ANKUB1: variants seen among roughly 807,000 people sequenced by gnomAD.
The protein encoded by ANKUB1 is ankyrin repeat and ubiquitin domain containing 1, also known as protein ANKUB1.
A neutral mutation model predicts 49.3 loss-of-function variants in ANKUB1; 42 were observed. That is an observed-to-expected ratio of 0.85 (90% CI 0.67 to 1.10). The LOEUF is 1.10. Ranked by LOEUF, ANKUB1 falls within the 50% of genes least tolerant of loss-of-function variation. ANKUB1 has a pLI of 0.00. For missense variants in ANKUB1, 613 were observed against 642.0 expected (o/e 0.95, Z 0.49); for synonymous variants, 222 against 231.0 (o/e 0.96, Z 0.35).
intron 5 of ANKUB1, chr3:149,766,919 T>C: frequency 8.8e-7 from 1 of 1,138,128 alleles, no homozygotes; most frequent in Non-Finnish European, 1.3e-6. Context: ...TTCTACTGTG[T>C]TTCTTTCCCT....
At chr3:149,781,479 G>A (rs1717867915) in intron 2 of ANKUB1, among the ~76,000 whole-genome samples, 1 of 152,312 alleles carries the variant, frequency 6.6e-6, no homozygotes, top group East Asian at 1.9e-4. Flanking sequence ...AGATGTCAGT[G>A]CATGGCACCA....
chr3:149,770,443 A>G, intron 4 of ANKUB1, 117 bp downstream of exon 4: 1 of 705,264 alleles, frequency 1.4e-6, no homozygotes, highest in Non-Finnish European at 2.4e-6. Flanking sequence ...ACTAAGTGGA[A>G]CTGGCATAGA....
chr3:149,765,603 A>G (rs1462985494), intron 5 of ANKUB1, among the ~76,000 whole-genome samples: 2 of 152,140 alleles, frequency 1.3e-5, no homozygotes, highest in South Asian at 4.1e-4. Flanking sequence ...GCACATTTCC[A>G]TTCTGCTGGG....
chr3:149,777,789 T>G (rs1476806936), intron 3 of ANKUB1, among the ~76,000 whole-genome samples: 2 of 152,230 alleles, frequency 1.3e-5, no homozygotes, highest in Non-Finnish European at 2.9e-5. Flanking sequence ...ATTGAGCTGA[T>G]TTACTGGATT....
chr3:149,791,818 G>A (rs1403941188), intron 1 of ANKUB1, among the ~76,000 whole-genome samples: 5 of 152,178 alleles, frequency 3.3e-5, no homozygotes, highest in Admixed American at 2.6e-4. Context: ...TTTTCTGAAT[G>A]CAAAATGAAG....
At position 149,767,384 on chromosome 3, in the gene ANKUB1, A is replaced by G. The variant is rs1409866303; in HGVS notation, c.1278T>C (p.Asn426=). The change falls in exon 5 of 6, where the codon AAT becomes AAC. Residue 426 remains asparagine, a synonymous_variant. Coordinates refer to ENST00000446160, the MANE Select transcript of ANKUB1 (RefSeq NM_001144960.3). ...TAGCTGTGGCAGTAATTTTTTTCTG[A>G]TTTTGTTGTTGATGTTTTTGTAATT... ...FSELQKHQQQ[N]QKKITATARK... 1 of 1,550,494 alleles carries G rather than the reference A, an allele frequency of 6.4e-7. No individual in the cohort carries two copies. The highest frequency in any genetic ancestry group is 2.4e-5 in the East Asian group (1 of 40,906).
chr3:149,769,391 G>A (rs1323009678), intron 4 of ANKUB1, among the ~76,000 whole-genome samples: 1 of 152,218 alleles, frequency 6.6e-6, no homozygotes, highest in South Asian at 2.1e-4. Flanking sequence ...AAAATTACAT[G>A]TGAGCTTAGG....
chr3:149,764,195 C>T (rs533242198), intron 5 of ANKUB1, among the ~76,000 whole-genome samples: 1 of 152,274 alleles, frequency 6.6e-6, no homozygotes, highest in South Asian at 2.1e-4. Context: ...GAGGGGTGCT[C>T]AGACCACCTG....
In ANKUB1 at chr3:149,780,263, G is replaced by C; in HGVS notation, c.427C>G (p.Leu143Val). 6.4e-7 allele frequency: 1 copy of C among 1,551,684 alleles called. No homozygotes were observed. Residue 143 changes from leucine (L) to valine (V), a missense_variant, in exon 3 of 6, where the codon CTC becomes GTC. Coordinates refer to ENST00000446160, the MANE Select transcript of ANKUB1 (RefSeq NM_001144960.3). ...RGLEMYDCNT[L>V]KDYQTDIGTT... ...CCAATATCAGTCTGGTAGTCCTTGA[G>C]GGTGTTGCAATCATACATCTCCAGG...
chr3:149,783,220 A>G (rs1407389098), intron 2 of ANKUB1: 5 of 152,232 alleles, frequency 3.3e-5, no homozygotes, highest in Middle Eastern at 6.8e-3. Context: ...TTGCTAATCC[A>G]CCTTATCCAC....
chr3:149,767,261 T>G lies in ANKUB1; in HGVS notation c.1401A>C (p.Ala467=). The G allele has an allele frequency of 6.4e-7, 1 of 1,551,668 alleles. No homozygotes were observed. The change falls in exon 5 of 6, where the codon GCA becomes GCC. Residue 467 remains alanine, a synonymous_variant. Transcript: ENST00000446160. The stretch of plus-strand genomic sequence containing the variant: ...TCAGTAAAAAGTCAGCACTGGGTGT[T>G]GCATAGAAAAACGATGGATGTGAAT... ...VGYSHPSFFY[A]TPSADFLLKS... is the part of the protein sequence containing the mutation.
At chr3:149,774,553 T>C (rs1010749491) in intron 3 of ANKUB1, among the ~76,000 whole-genome samples, 26 of 152,208 alleles carry the variant, frequency 1.7e-4, no homozygotes, top group African/African-American at 5.1e-4. Context: ...TCCTGCCTAC[T>C]GCTGAATGAG....
chr3:149,778,954 G>C (rs998802623), intron 3 of ANKUB1: 1 of 152,140 alleles, frequency 6.6e-6, no homozygotes, highest in African/African-American at 2.4e-5. Context: ...TGTGCTGATT[G>C]TCAGCAAGGA....
chr3:149,782,824 G>A (rs1015787142), intron 2 of ANKUB1, among the ~76,000 whole-genome samples: 1 of 152,194 alleles, frequency 6.6e-6, no homozygotes, highest in African/African-American at 2.4e-5. Context: ...ACAGGAGTGA[G>A]CTTCTGTGCC....
At chr3:149,768,239 T>C (rs1717159621) in intron 4 of ANKUB1, 144 bp from the exon 5 acceptor site, 1 of 617,418 alleles carries the variant, frequency 1.6e-6, no homozygotes, top group Admixed American at 3.7e-5. Context: ...AGAAAAGGCA[T>C]ATAGTGACAT....
At chr3:149,789,250 G>A (rs966729866) in intron 2 of ANKUB1, among the ~76,000 whole-genome samples, 15 of 152,096 alleles carry the variant, frequency 9.9e-5, no homozygotes, top group African/African-American at 2.4e-4. Flanking sequence ...CTGAAAAGCC[G>A]TCAGATTCTT....
At position 149,787,381 on chromosome 3, in the gene ANKUB1, G is replaced by C. The variant is rs559012080; in HGVS notation, c.234+3400C>G. Among the ~76,000 whole-genome samples the C allele has an allele frequency of 2.4e-4, 36 of 152,180 alleles. No individual in the cohort carries two copies. In the South Asian group the frequency reaches 7.5e-3, roughly 32 times the overall value. On this transcript the variant is annotated intron_variant, in intron 2 of 5. Transcript: ENST00000446160. ...ATGATTTGGCTCTCTGTCTGTTATA[G>C]GTGTATAGGAATACTCGTGATTTTT...
At position 149,767,640 on chromosome 3, in the gene ANKUB1, G is replaced by GC; in HGVS notation, c.1021dup (p.Ala341GlyfsTer24). 5 of 1,551,602 alleles carry GC rather than the reference G, an allele frequency of 3.2e-6. No homozygotes were observed. Among genetic ancestry groups the GC allele is most frequent in the Non-Finnish European group, 3.5e-6 (4 of 1,146,988 alleles). On this transcript the variant is annotated frameshift_variant, in exon 5 of 6. Coordinates refer to ENST00000446160, the MANE Select transcript of ANKUB1 (RefSeq NM_001144960.3). LOFTEE classifies it high-confidence loss of function. ...CACCATCACAGTGTCTCCAACTTTT[G>GC]CCCCAAAGACCCTTGCTCCACAAAA...
chr3:149,768,261 T>C lies in ANKUB1; in HGVS notation c.567-166A>G, dbSNP rs188364415. ...GCATATAGTGACATACAGGTTAAAC[T>C]GCACAAGTCCTGCTTATACACATTA... On this transcript the variant is annotated intron_variant, in intron 4 of 5. Transcript: ENST00000446160. Among the ~76,000 whole-genome samples, 354 of 152,346 alleles carry C rather than the reference T, an allele frequency of 2.3e-3. 4 individuals carry two copies. The highest frequency in any genetic ancestry group is 0.021 in the Admixed American group (315 of 15,300).
Sources: allele counts gnomAD v4.1 joint callset (sites outside exome capture counted in the v4.1 genomes callset), GRCh38; gene constraint gnomAD v4.1.1; transcripts MANE v1.5; gene names NCBI Gene and HGNC (gene_info 2026-07-23, HGNC 2026-07-21).